The following DCC variants were observed in gnomAD, a reference collection of about 807,000 sequenced individuals.
The protein encoded by DCC is DCC netrin 1 receptor, also known as netrin receptor DCC.
A neutral mutation model predicts 172.5 loss-of-function variants in DCC; 58 were observed. That is an observed-to-expected ratio of 0.34 (90% CI 0.27 to 0.42). DCC has a LOEUF of 0.42. DCC is among the 10% of genes least tolerant of loss of function. The pLI is 1.00. For synonymous variants in DCC, 709 were observed against 644.5 expected, an observed-to-expected ratio of 1.10 and a Z score of -1.52; for missense variants, 1,740 against 1,791.0, an observed-to-expected ratio of 0.97 and a Z score of 0.51.
At chr18:53,155,649 C>G (rs550322108) in intron 7 of DCC, among the ~76,000 whole-genome samples, 2 of 152,332 alleles carry the variant, frequency 1.3e-5, no homozygotes, top group East Asian at 3.9e-4. Flanking sequence ...ATTGCTTCTA[C>G]TTTTTGTTAA....
intron 12 of DCC, among the ~76,000 whole-genome samples, 154 bp from the exon 13 acceptor site, chr18:53,305,424 A>G (rs541085331): frequency 6.6e-6 from 1 of 152,364 alleles, no homozygotes; most frequent in East Asian, 1.9e-4. Flanking sequence ...ATGCTGTCAG[A>G]TTATAAGAAC....
Position 53,125,979 on chromosome 18 carries a change from A to T in DCC, c.1262-31377A>T, listed in dbSNP as rs199664103. On this transcript the variant is annotated intron_variant, in intron 7 of 28. Transcript: ENST00000442544. ...CAAGTAACTGCAAGTTATTGAGTGT[A>T]TACAAGGAGAGGTTGCGTGAGGATA... Among the ~76,000 whole-genome samples, 6 of 152,276 alleles carry T rather than the reference A, an allele frequency of 3.9e-5. No individual in the cohort carries two copies. The East Asian group carries it at 1.2e-3, about 30-fold the overall frequency.
At chr18:52,948,099 A>G (rs1420240513) in intron 5 of DCC, among the ~76,000 whole-genome samples, 1 of 152,182 alleles carries the variant, frequency 6.6e-6, no homozygotes, top group Non-Finnish European at 1.5e-5. Context: ...TTAAAGGGAG[A>G]TAGTAACTGG....
chr18:52,978,853 ATGAC>A (rs796848305), intron 5 of DCC, among the ~76,000 whole-genome samples: 27 of 152,302 alleles, frequency 1.8e-4, no homozygotes, highest in African/African-American at 6.3e-4. Flanking sequence ...ACTTAGAGTA[ATGAC>A]TTCCAGCTCT....
chr18:53,193,346 C>A (rs2055394140), intron 9 of DCC, among the ~76,000 whole-genome samples: 2 of 152,074 alleles, frequency 1.3e-5, no homozygotes. Flanking sequence ...AGTGTTCACT[C>A]TTTCCCCTCA....
intron 2 of DCC, among the ~76,000 whole-genome samples, chr18:52,768,345 A>C (rs2037287809): frequency 6.6e-6 from 1 of 152,196 alleles, no homozygotes; most frequent in African/African-American, 2.4e-5. Context: ...TGTGCCTCAG[A>C]AATTGCAGGG....
rs36226906 is a variant in DCC at position 53,217,262 on chromosome 18, TACACACACACAC to T, written c.1911+1693_1911+1704del. On this transcript the variant is annotated intron_variant, in intron 12 of 28. Coordinates refer to ENST00000442544, the MANE Select transcript of DCC (RefSeq NM_005215.4). ...ATTGCAAAATTGACTATATATATTA[TACACACACACAC>T]ACACACACACACACACACACACACA... Among the ~76,000 whole-genome samples, 395 of 133,358 alleles carry T rather than the reference TACACACACACAC, an allele frequency of 3.0e-3. 1 individual carries two copies. Among genetic ancestry groups the T allele is most frequent in the Admixed American group, 0.011 (146 of 13,876 alleles). The allele number at this position is 133,358 out of a possible 152,430, so 87.5% of individuals were successfully genotyped here. A position where few individuals can be genotyped will look rare whatever the true frequency, so the allele number is the denominator to read the frequency against.
chr18:53,267,907 T>C (rs2056701103), intron 12 of DCC, among the ~76,000 whole-genome samples: 1 of 152,198 alleles, frequency 6.6e-6, no homozygotes, highest in Non-Finnish European at 1.5e-5. Context: ...CTGGTACAGA[T>C]TGATTACTTC....
chr18:53,258,700 TAC>T lies in DCC; in HGVS notation c.1911+43104_1911+43105del, dbSNP rs1174647012. 5.2e-3 allele frequency among the ~76,000 whole-genome samples: 795 copies of T among 152,298 alleles called. 8 individuals carry two copies. Among genetic ancestry groups the T allele is most frequent in the African/African-American group, 0.018 (735 of 41,558 alleles). On this transcript the variant is annotated intron_variant, in intron 12 of 28. Transcript: ENST00000442544. Reference sequence around the variant, plus strand: ...GAATGTATATTCTGTTGATTTGGGGTACGGAGTTCTGTAGATGTCTATTAGGT... The same window carrying T: ...GAATGTATATTCTGTTGATTTGGGGTGGAGTTCTGTAGATGTCTATTAGGT...
Position 52,877,103 on chromosome 18 carries a change from G to A in DCC, c.413-28941G>A, listed in dbSNP as rs537208716. On this transcript the variant is annotated intron_variant, in intron 2 of 28. Coordinates refer to ENST00000442544, the MANE Select transcript of DCC (RefSeq NM_005215.4). ...ATGACCTGTATTTTATACTGTAATC[G>A]TACCCTGGAAACAAATGCCTTGGTG... Among the ~76,000 whole-genome samples, 9 of 152,112 alleles carry A rather than the reference G, an allele frequency of 5.9e-5. No individual in the cohort carries two copies. In the South Asian group the frequency reaches 1.0e-3, roughly 18 times the overall value.
chr18:53,365,446 G>GAA (rs34872630), intron 15 of DCC, among the ~76,000 whole-genome samples: 86 of 132,578 alleles, frequency 6.5e-4, no homozygotes, highest in African/African-American at 2.1e-3. Context: ...TCATCCCACT[G>GAA]AAAAAAAAAA....
At position 52,906,262 on chromosome 18, in the gene DCC, C is replaced by G; in HGVS notation, c.631C>G (p.Arg211Gly). 1.2e-6 allele frequency: 2 copies of G among 1,613,998 alleles called. No homozygotes were observed. Among genetic ancestry groups the G allele is most frequent in the Non-Finnish European group, 1.7e-6 (2 of 1,180,022 alleles). The stretch of plus-strand genomic sequence containing the variant: ...CCAACCGGGGGACATTGGAATTTAC[C>G]GATGCTCAGCTCGAAATCCAGCCAG... ...RLQPGDIGIYRCSARNPASSR... is the reference protein window; with the variant it reads ...RLQPGDIGIYGCSARNPASSR... Residue 211 changes from arginine to glycine, a missense_variant, in exon 3 of 29, where the codon CGA becomes GGA. Around this residue, in one of 2 missense-constraint regions of DCC, gnomAD observed 1,732 missense variants for 1,767.4 expected, o/e 0.98. Coordinates refer to ENST00000442544, the MANE Select transcript of DCC (RefSeq NM_005215.4).
chr18:53,510,765 G>C (rs1267351589), intron 27 of DCC, among the ~76,000 whole-genome samples: 7 of 152,140 alleles, frequency 4.6e-5, no homozygotes, highest in African/African-American at 1.7e-4. Context: ...ACATAGAGAA[G>C]ACAGCAGGAA....
intron 27 of DCC, among the ~76,000 whole-genome samples, chr18:53,517,810 G>A (rs900064651): frequency 6.6e-6 from 1 of 152,080 alleles, no homozygotes; most frequent in African/African-American, 2.4e-5. Flanking sequence ...CACCCTTAAA[G>A]TACAATTCAC....
At chr18:52,720,746 A>G (rs963304721) in intron 1 of DCC, among the ~76,000 whole-genome samples, 2 of 152,176 alleles carry the variant, frequency 1.3e-5, no homozygotes, top group African/African-American at 4.8e-5. Context: ...AACTTGTGAC[A>G]CAGAGCTCTT....
chr18:52,351,054 TCTCAG>T (rs1400805795), intron 1 of DCC, among the ~76,000 whole-genome samples: 1 of 151,932 alleles, frequency 6.6e-6, no homozygotes, highest in Non-Finnish European at 1.5e-5. Flanking sequence ...TAGGAAAGGG[TCTCAG>T]ACAGCAGATC....
At chr18:52,682,303 T>C (rs2035761634) in intron 1 of DCC, among the ~76,000 whole-genome samples, 1 of 152,076 alleles carries the variant, frequency 6.6e-6, no homozygotes, top group African/African-American at 2.4e-5. Context: ...GTACTACTGA[T>C]ACAAAGTGGG....
At chr18:53,254,167 T>C (rs2056475927) in intron 12 of DCC, among the ~76,000 whole-genome samples, 1 of 152,072 alleles carries the variant, frequency 6.6e-6, no homozygotes, top group African/African-American at 2.4e-5. Flanking sequence ...CAAGCAAATA[T>C]CCTCACTCTT....
At chr18:52,410,152 T>C in intron 1 of DCC, among the ~76,000 whole-genome samples, 1 of 152,152 alleles carries the variant, frequency 6.6e-6, no homozygotes, top group East Asian at 1.9e-4. Context: ...GGCTGGATGC[T>C]GTGACTCATG....
Sources: gnomAD v4.1 joint callset for allele counts (sites outside exome capture counted in the v4.1 genomes callset) on GRCh38, gnomAD v4.1.1 for gene constraint, gnomAD v4.1.1 regional missense constraint, MANE v1.5 for transcripts, NCBI Gene and HGNC (gene_info 2026-07-23, HGNC 2026-07-21) for gene names.